OS9: variants seen among roughly 807,000 people sequenced by gnomAD.
OS9 encodes the protein protein OS-9.
Under a neutral mutation model 84.7 loss-of-function variants are expected in OS9, and 58 were observed. That is an observed-to-expected ratio of 0.68 (90% CI 0.55 to 0.85). OS9 has a LOEUF of 0.85. OS9 is among the 40% of genes least tolerant of loss of function. OS9 has a pLI of 0.00. For missense variants in OS9, 760 were observed against 850.9 expected (o/e 0.89, Z 1.33); for synonymous variants, 278 against 320.8 (o/e 0.87, Z 1.43).
At position 57,720,440 on chromosome 12, in the gene OS9, T is replaced by G; in HGVS notation, c.1800T>G (p.Ala600=). 1 of 1,614,080 alleles carries G rather than the reference T, an allele frequency of 6.2e-7. No individual in the cohort carries two copies. The highest frequency in any genetic ancestry group is 8.5e-7 in the Non-Finnish European group (1 of 1,179,892). ...AGATCAAAATTGTCCGCCCATGGGC[T>G]GAAGGGACTGAAGAGGGTGCACGTT... is the stretch of plus-strand genomic sequence containing the variant. ...KIEIKIVRPW[A]EGTEEGARWL... Residue 600 remains alanine, a synonymous_variant, in exon 14 of 15, where the codon GCT becomes GCG. Transcript: ENST00000315970.
chr12:57,716,279 T>TAG, intron 7 of OS9, 86 bp downstream of exon 7: 2 of 508,620 alleles, frequency 3.9e-6, no homozygotes, highest in South Asian at 4.0e-5. Flanking sequence ...ACTGGTGGGG[T>TAG]GGGGGGGGGT....
At chr12:57,698,216 C>A (rs550911605) in intron 5 of OS9, among the ~76,000 whole-genome samples, 1 of 152,282 alleles carries the variant, frequency 6.6e-6, no homozygotes, top group African/African-American at 2.4e-5. Context: ...CTAATATCAC[C>A]TTTCTTGATT....
chr12:57,719,993 A>C, intron 12 of OS9, 106 bp from the exon 13 acceptor site: 30 of 1,020,202 alleles, frequency 2.9e-5, no homozygotes, highest in Non-Finnish European at 3.9e-5. Context: ...TTGAGATGGA[A>C]GAGCTGCCAA....
rs755166641 is a variant in OS9, at chr12:57,696,353, C to A, written c.559C>A (p.Pro187Thr). 6.3e-7 allele frequency: 1 copy of A among 1,596,508 alleles called. No individual in the cohort carries two copies. The highest frequency in any genetic ancestry group is 1.4e-5 in the African/African-American group (1 of 73,982). Residue 187 changes from proline (P) to threonine (T), a missense_variant, in exon 5 of 15, where the codon CCC becomes ACC. Transcript: ENST00000315970. The part of the protein sequence containing the change: ...NGSKCDLNGR[P>T]REAEVRFLCD... The stretch of plus-strand genomic sequence containing the variant: ...GTCCAAGTGCGACCTTAATGGGAGG[C>A]CCCGGGAGGCCGAGGTTCGGGTGAG...
At chr12:57,716,889 A>G in intron 9 of OS9, 145 bp downstream of exon 9, 2 of 679,498 alleles carry the variant, frequency 2.9e-6, no homozygotes, top group East Asian at 5.2e-5. Flanking sequence ...TACTCTTTGT[A>G]GACAGCACTG....
At chr12:57,720,629 G>T in intron 14 of OS9, 111 bp downstream of exon 14, 1 of 1,277,952 alleles carries the variant, frequency 7.8e-7, no homozygotes. Flanking sequence ...TGTAAGACAA[G>T]GCTGGGGTTC....
At chr12:57,696,155 A>G (rs1953825259) in intron 4 of OS9, 117 bp downstream of exon 4, 1 of 1,226,704 alleles carries the variant, frequency 8.2e-7, no homozygotes, top group Admixed American at 1.8e-5. Flanking sequence ...GGCCATTAGG[A>G]CAAAGTTTCC....
At chr12:57,720,304 G>T (rs1333585254) in intron 13 of OS9, 41 bp downstream of exon 13, 1 of 1,612,098 alleles carries the variant, frequency 6.2e-7, no homozygotes, top group African/African-American at 1.3e-5. Context: ...CTGTCGGAAG[G>T]GCAAGCTGCC....
At chr12:57,710,409 G>A (rs991210333) in intron 5 of OS9, among the ~76,000 whole-genome samples, 4 of 152,066 alleles carry the variant, frequency 2.6e-5, no homozygotes, top group Non-Finnish European at 5.9e-5. Flanking sequence ...TCACATCAGA[G>A]GTTAGTCAGT....
chr12:57,700,655 A>T (rs1433723898), intron 5 of OS9, among the ~76,000 whole-genome samples: 1 of 152,146 alleles, frequency 6.6e-6, no homozygotes, highest in South Asian at 2.1e-4. Context: ...ATGGAATTAA[A>T]TAAATTCCTA....
chr12:57,708,184 C>A (rs1194713704), intron 5 of OS9, among the ~76,000 whole-genome samples: 2 of 152,158 alleles, frequency 1.3e-5, no homozygotes, highest in Non-Finnish European at 2.9e-5. Flanking sequence ...AAAAGGTATA[C>A]AGAGAAAAGT....
chr12:57,694,342 GC>G lies in OS9; in HGVS notation c.162+20del. ...AGGGCAGGTGAGAGGCGTATAAGGG[GC>G]GAGGGTCTGGGCAGAAGAGGAAGCG... On this transcript the variant is annotated intron_variant, in intron 1 of 14. Transcript: ENST00000315970. 1 of 1,613,686 alleles carries G rather than the reference GC, an allele frequency of 6.2e-7. No homozygotes were observed. The highest frequency in any genetic ancestry group is 8.5e-7 in the Non-Finnish European group (1 of 1,179,692).
chr12:57,719,367 T>C, intron 12 of OS9, 185 bp downstream of exon 12: 1 of 600,834 alleles, frequency 1.7e-6, no homozygotes, highest in Non-Finnish European at 3.0e-6. Flanking sequence ...GTTTACCTCC[T>C]ATTCATCCCT....
chr12:57,712,846 T>C (rs1490467689), intron 5 of OS9, among the ~76,000 whole-genome samples: 1 of 151,750 alleles, frequency 6.6e-6, no homozygotes, highest in African/African-American at 2.4e-5. Flanking sequence ...CCACACTAGA[T>C]GACAGTGGTT....
At position 57,718,312 on chromosome 12, in the gene OS9, G is replaced by A. The variant is rs750872576; in HGVS notation, c.1301G>A (p.Gly434Glu). Residue 434 changes from glycine to glutamate, a missense_variant, in exon 11 of 15, where the codon GGA (glycine) becomes GAA (glutamate). Gly to Glu is a moderately conservative substitution (Grantham distance 98). Coordinates refer to ENST00000315970, the MANE Select transcript of OS9 (RefSeq NM_006812.4). ...GATGAGGATGAACGGCAGTTACTGG[G>A]AGAATTTGAGAAGGAACTGGAAGGG... ...DEDEDERQLL[G>E]EFEKELEGIL... The A allele has an allele frequency of 2.5e-6, 4 of 1,614,220 alleles. No homozygotes were observed. The highest frequency in any genetic ancestry group is 3.4e-6 in the Non-Finnish European group (4 of 1,180,040).
chr12:57,696,622 C>T (rs1251750729), intron 5 of OS9, among the ~76,000 whole-genome samples: 1 of 151,956 alleles, frequency 6.6e-6, no homozygotes, highest in Non-Finnish European at 1.5e-5. Context: ...ATGGTGAAAC[C>T]CCATCTCTAC....
In OS9 at chr12:57,718,355, C is replaced by T; in HGVS notation, c.1344C>T (p.Asp448=). Residue 448 remains aspartate (D), a synonymous_variant, in exon 11 of 15, where the codon GAC becomes GAT. Coordinates refer to ENST00000315970, the MANE Select transcript of OS9 (RefSeq NM_006812.4). The part of the protein sequence containing the change: ...KELEGILLPS[D]RDRLRSEVKA... ...TGGAAGGGATCCTGCTTCCGTCAGA[C>T]CGAGACCGGCTCCGTTCGGAGGTGA... 6.2e-7 allele frequency: 1 copy of T among 1,614,206 alleles called. No homozygotes were observed. Among genetic ancestry groups the T allele is most frequent in the South Asian group, 1.1e-5 (1 of 91,082 alleles).
rs1954664220 is a variant in OS9, at chr12:57,720,957, C to A, written c.*48C>A. On this transcript the variant is annotated 3_prime_UTR_variant, in exon 15 of 15. Coordinates refer to ENST00000315970, the MANE Select transcript of OS9 (RefSeq NM_006812.4). ...TCACGGAATCCAGACTCTTCCTGGA[C>A]TGGCTTGCCTCCTCCCCACCTCCCC... 1.2e-6 allele frequency: 2 copies of A among 1,609,584 alleles called. No homozygotes were observed.
Position 57,696,196 on chromosome 12 carries a change from T to A in OS9, c.481-79T>A. 2.3e-6 allele frequency: 3 copies of A among 1,311,856 alleles called. 1 individual carries two copies. Among genetic ancestry groups the A allele is most frequent in the Non-Finnish European group, 3.3e-6 (3 of 916,714 alleles). The allele number at this position is 1,311,856 out of a possible 1,614,324, so 81.3% of individuals were successfully genotyped here. A position where few individuals can be genotyped will look rare whatever the true frequency, so the allele number is the denominator to read the frequency against. On this transcript the variant is annotated intron_variant, in intron 4 of 14. Coordinates refer to ENST00000315970, the MANE Select transcript of OS9 (RefSeq NM_006812.4). Reference sequence around the variant, plus strand: ...CCTGGGGGCACAGGCCATTCTTTTGTCTCTTTGGGGACGCAGTGCCATCCT... The same window carrying A: ...CCTGGGGGCACAGGCCATTCTTTTGACTCTTTGGGGACGCAGTGCCATCCT...
Sources: allele counts gnomAD v4.1 joint callset (sites outside exome capture counted in the v4.1 genomes callset), GRCh38; gene constraint gnomAD v4.1.1; transcripts MANE v1.5; gene names NCBI Gene and HGNC (gene_info 2026-07-23, HGNC 2026-07-21).